The following EPB41L4B variants were observed in gnomAD, a reference collection of about 807,000 sequenced individuals.
EPB41L4B encodes the protein band 4.1-like protein 4B.
A neutral mutation model predicts 112.5 loss-of-function variants in EPB41L4B; 30 were observed. The observed-to-expected ratio is 0.27, with a 90% CI of 0.20 to 0.36. The LOEUF (loss-of-function observed/expected upper bound fraction) is 0.36. Ranked by LOEUF, EPB41L4B falls within the 10% of genes least tolerant of loss-of-function variation. The pLI, the probability that EPB41L4B is intolerant of heterozygous loss-of-function variation, is 1.00. For synonymous variants in EPB41L4B, 408 were observed against 439.7 expected (o/e 0.93, Z 0.90); for missense variants, 1,024 against 1,133.3 (o/e 0.90, Z 1.38).
At chr9:109,190,951 T>C (rs755518164) in intron 22 of EPB41L4B, among the ~76,000 whole-genome samples, 12 of 152,152 alleles carry the variant, frequency 7.9e-5, no homozygotes, top group Non-Finnish European at 1.5e-4. Flanking sequence ...TCTGCAGCCC[T>C]CATCAGCAGC....
At chr9:109,263,377 TG>T (rs1242080355) in intron 5 of EPB41L4B, among the ~76,000 whole-genome samples, 1 of 152,272 alleles carries the variant, frequency 6.6e-6, no homozygotes, top group Non-Finnish European at 1.5e-5. Flanking sequence ...TGGAAAAGTT[TG>T]GAAAACAGAA....
In EPB41L4B at chr9:109,320,480, G is replaced by C. The variant is rs1485050125; in HGVS notation, c.-34C>G. ...GGGGCGCCCCCTGCCTCCGCCCCCT[G>C]CGCTGCCGCTGCCGCTGCCGCTGCC... On this transcript the variant is annotated 5_prime_UTR_variant, in exon 1 of 26. Coordinates refer to ENST00000374566, the MANE Select transcript of EPB41L4B (RefSeq NM_019114.5). 1.1e-6 allele frequency: 1 copy of C among 922,364 alleles called. No individual in the cohort carries two copies. The highest frequency in any genetic ancestry group is 1.2e-4 in the East Asian group (1 of 8,482). 57.1% of individuals were successfully genotyped at this position (922,364 alleles called of 1,614,324 possible). A position where few individuals can be genotyped will look rare whatever the true frequency, so the allele number is the denominator to read the frequency against.
chr9:109,301,346 A>C (rs978404651), intron 1 of EPB41L4B, among the ~76,000 whole-genome samples: 32 of 152,190 alleles, frequency 2.1e-4, no homozygotes, highest in African/African-American at 7.5e-4. Flanking sequence ...CCCACCATTA[A>C]TTTTTTTATA....
At chr9:109,309,757 G>C (rs779227459) in intron 1 of EPB41L4B, among the ~76,000 whole-genome samples, 744 of 61,848 alleles carry the variant, frequency 0.012, 4 homozygotes, top group Middle Eastern at 0.034. Context: ...TACACACACA[G>C]AGAGAGAGAG....
chr9:109,244,767 G>T (rs988146594), intron 14 of EPB41L4B, among the ~76,000 whole-genome samples: 1 of 152,166 alleles, frequency 6.6e-6, no homozygotes, highest in African/African-American at 2.4e-5. Context: ...GCTTCTCAAG[G>T]CTCAATCTCC....
intron 17 of EPB41L4B, among the ~76,000 whole-genome samples, 164 bp from the exon 18 acceptor site, chr9:109,208,213 G>A (rs1181909634): frequency 6.6e-6 from 1 of 152,178 alleles, no homozygotes; most frequent in Non-Finnish European, 1.5e-5. Flanking sequence ...TTTGCAAAGG[G>A]TTCTCAGGCA....
At chr9:109,209,360 A>T (rs1314429901) in intron 17 of EPB41L4B, among the ~76,000 whole-genome samples, 2 of 139,114 alleles carry the variant, frequency 1.4e-5, no homozygotes, top group African/African-American at 2.9e-5. Flanking sequence ...TTGGACCATT[A>T]AAAAAAAAAA....
chr9:109,256,296 A>G (rs765740468), intron 8 of EPB41L4B, 72 bp from the exon 9 acceptor site: 8 of 1,589,288 alleles, frequency 5.0e-6, no homozygotes, highest in Non-Finnish European at 6.9e-6. Flanking sequence ...CAAAATGCAA[A>G]AACAGTTTCC....
chr9:109,274,931 G>A (rs1318710628), intron 2 of EPB41L4B, among the ~76,000 whole-genome samples: 1 of 152,326 alleles, frequency 6.6e-6, no homozygotes, highest in East Asian at 1.9e-4. Context: ...CACTTATCGT[G>A]ATCAGGCAGT....
chr9:109,203,385 G>A (rs1197312101), intron 19 of EPB41L4B, among the ~76,000 whole-genome samples: 1 of 152,146 alleles, frequency 6.6e-6, no homozygotes, highest in African/African-American at 2.4e-5. Context: ...TTAAGCAGGG[G>A]GATGGCAATG....
intron 18 of EPB41L4B, among the ~76,000 whole-genome samples, chr9:109,205,513 G>A (rs780537626): frequency 3.9e-5 from 6 of 152,132 alleles, no homozygotes; most frequent in African/African-American, 7.2e-5. Flanking sequence ...TGTTTGTTCT[G>A]TGATAGTATA....
intron 14 of EPB41L4B, among the ~76,000 whole-genome samples, chr9:109,245,086 G>T (rs1834502632): frequency 6.6e-6 from 1 of 152,232 alleles, no homozygotes; most frequent in Non-Finnish European, 1.5e-5. Flanking sequence ...TCAGTAGCAG[G>T]ATCTGGGAGC....
chr9:109,192,457 G>A, intron 21 of EPB41L4B, 102 bp from the exon 22 acceptor site: 4 of 741,608 alleles, frequency 5.4e-6, no homozygotes, highest in Middle Eastern at 4.1e-4. Flanking sequence ...CCTCTACACT[G>A]ATCTCATTAG....
At chr9:109,251,205 G>A (rs1020772295) in intron 13 of EPB41L4B, among the ~76,000 whole-genome samples, 9 of 152,340 alleles carry the variant, frequency 5.9e-5, no homozygotes, top group Middle Eastern at 6.8e-3. Flanking sequence ...CTGCGCACAG[G>A]CCTCTACCTT....
intron 14 of EPB41L4B, among the ~76,000 whole-genome samples, chr9:109,244,653 TCA>T (rs1834482958): frequency 6.6e-6 from 1 of 151,966 alleles, no homozygotes; most frequent in Non-Finnish European, 1.5e-5. Context: ...GACCCTGTAC[TCA>T]CAAACGGACT....
intron 15 of EPB41L4B, chr9:109,239,642 G>A (rs1213214975): frequency 5.4e-6 from 1 of 183,720 alleles, no homozygotes; most frequent in Non-Finnish European, 1.0e-5. Flanking sequence ...GGAATGAAAA[G>A]TGTACACTTC....
intron 17 of EPB41L4B, among the ~76,000 whole-genome samples, chr9:109,211,911 G>T (rs1833194597): frequency 6.7e-6 from 1 of 150,134 alleles, no homozygotes; most frequent in African/African-American, 2.5e-5. Flanking sequence ...AGATGGGGGG[G>T]GTCTCGCCAT....
chr9:109,243,497 C>T, intron 15 of EPB41L4B, 121 bp downstream of exon 15: 2 of 837,292 alleles, frequency 2.4e-6, no homozygotes, highest in South Asian at 1.7e-5. Context: ...TCGGCCATGA[C>T]AATGCATCCC....
intron 22 of EPB41L4B, among the ~76,000 whole-genome samples, chr9:109,187,324 C>T (rs150908032): frequency 1.9e-4 from 29 of 152,264 alleles, no homozygotes; most frequent in African/African-American, 7.0e-4. Flanking sequence ...TGGACAATTT[C>T]CAAAGGGCTT....
Sources: allele counts gnomAD v4.1 joint callset (sites outside exome capture counted in the v4.1 genomes callset), GRCh38; gene constraint gnomAD v4.1.1; transcripts MANE v1.5; gene names NCBI Gene and HGNC (gene_info 2026-07-23, HGNC 2026-07-21).